The following ARMH1 variants were observed in gnomAD, a reference collection of about 807,000 sequenced individuals.
ARMH1 encodes armadillo like helical domain containing 1, also known as armadillo-like helical domain containing protein 1.
A neutral mutation model predicts 50.2 loss-of-function variants in ARMH1; 34 were observed. The ratio of observed to expected loss-of-function variants is 0.68; its 90% CI spans 0.51 to 0.90. ARMH1 has a LOEUF of 0.90. ARMH1 is among the 40% of genes least tolerant of loss of function. The probability of loss-of-function intolerance (pLI) is 0.00; values close to 1 mark genes in which losing one functional copy is unlikely to be tolerated. For synonymous variants in ARMH1, 221 were observed against 224.2 expected (o/e 0.99, Z 0.13); for missense variants, 538 against 553.9 (o/e 0.97, Z 0.29).
chr1:44,721,793 CCTAGGCAAGA>C (rs1647204083), intron 6 of ARMH1: 1 of 151,670 alleles, frequency 6.6e-6, no homozygotes, highest in African/African-American at 2.4e-5. Flanking sequence ...TTCAGCCTTG[CCTAGGCAAGA>C]CTTCAAAAAA....
intron 1 of ARMH1, among the ~76,000 whole-genome samples, chr1:44,678,413 G>A (rs4660820): frequency 0.011 from 1,636 of 152,104 alleles, 65 homozygotes; most frequent in Admixed American, 0.068. Context: ...AAAAGGTGGG[G>A]GCAGATGGAG....
intron 10 of ARMH1, 54 bp from the exon 11 acceptor site, chr1:44,725,082 C>G (rs1648087843): frequency 6.5e-7 from 1 of 1,549,856 alleles, no homozygotes; most frequent in Admixed American, 2.0e-5. Context: ...AGCCCAACTC[C>G]AAGTCCAGAC....
At position 44,684,976 on chromosome 1, in the gene ARMH1, A is replaced by G. The variant is rs983493284; in HGVS notation, c.-22-4700A>G. 3.9e-5 allele frequency among the ~76,000 whole-genome samples: 6 copies of G among 152,132 alleles called. No homozygotes were observed. In the South Asian group the frequency reaches 6.2e-4, roughly 16 times the overall value. ...CCCCTGCTCTCTCACCCTCCCTGGG[A>G]AAGTAGGAAAGTCTTCTCCAGAGAC... On this transcript the variant is annotated intron_variant, in intron 1 of 11. Coordinates refer to ENST00000535358, the MANE Select transcript of ARMH1 (RefSeq NM_001145636.2).
chr1:44,724,169 C>T lies in ARMH1; in HGVS notation c.772C>T (p.Leu258=), dbSNP rs1331030511. ...GGTCGGTTACGATGTGCGCCAGGCG[C>T]TGCTCAAGGGCCTCGTGGCGCTGCT... ...DLVGYDVRQA[L]LKGLVALLIP... The change falls in exon 7 of 12, where the codon CTG becomes TTG. Residue 258 remains leucine, a synonymous_variant. Coordinates refer to ENST00000535358, the MANE Select transcript of ARMH1 (RefSeq NM_001145636.2). The surrounding 1 kb of genome is among the most constrained non-coding windows in gnomAD (Gnocchi z 6.4). 6.4e-7 allele frequency: 1 copy of T among 1,551,702 alleles called. No individual in the cohort carries two copies. The highest frequency in any genetic ancestry group is 8.7e-7 in the Non-Finnish European group (1 of 1,146,964).
rs1645811125 is a variant in ARMH1 at position 44,695,914 on chromosome 1, C to T, written c.207-1188C>T. Among the ~76,000 whole-genome samples, 7 of 150,390 alleles carry T rather than the reference C, an allele frequency of 4.7e-5. No individual in the cohort carries two copies. In the Admixed American group the frequency reaches 4.7e-4, roughly 10 times the overall value. ...GAGCTGTGATTGCACCACTGTGCCCCAGCCTGGGCAACAGAGTGAGACCCT... is the reference window on the plus strand; with the variant it reads ...GAGCTGTGATTGCACCACTGTGCCCTAGCCTGGGCAACAGAGTGAGACCCT... On this transcript the variant is annotated intron_variant, in intron 2 of 11. Transcript: ENST00000535358.
chr1:44,689,908 C>A lies in ARMH1; in HGVS notation c.206+5C>A. 5 of 1,549,560 alleles carry A rather than the reference C, an allele frequency of 3.2e-6. No homozygotes were observed. Among genetic ancestry groups the A allele is most frequent in the Non-Finnish European group, 3.5e-6 (4 of 1,146,734 alleles). On this transcript the variant is annotated splice_donor_5th_base_variant and intron_variant, in intron 2 of 11. Transcript: ENST00000535358. Reference sequence around the variant, plus strand: ...GACCACCTCGCTTAGAATCACGTATCCTTTACTGAACAGAAAAAAAAAAAT... The same window carrying A: ...GACCACCTCGCTTAGAATCACGTATACTTTACTGAACAGAAAAAAAAAAAT...
chr1:44,724,208 A>C lies in ARMH1; in HGVS notation c.811A>C (p.Lys271Gln), dbSNP rs775195538. ...GLVALLIPSV[K>Q]EISKLQAKIL... The stretch of plus-strand genomic sequence containing the variant: ...CGTGGCGCTGCTGATACCGTCGGTC[A>C]AGGAGATCTCCAAACTGCAGGCCAA... Residue 271 changes from lysine (K) to glutamine (Q), a missense_variant, in exon 7 of 12, where the codon AAG becomes CAG. Physicochemically the swap from Lys to Gln is moderately conservative, Grantham distance 53. Coordinates refer to ENST00000535358, the MANE Select transcript of ARMH1 (RefSeq NM_001145636.2). The surrounding 1 kb of genome is among the most constrained non-coding windows in gnomAD (Gnocchi z 6.4). The C allele has an allele frequency of 6.4e-7, 1 of 1,551,688 alleles. No homozygotes were observed. Among genetic ancestry groups the C allele is most frequent in the African/African-American group, 1.4e-5 (1 of 73,180 alleles).
At position 44,681,900 on chromosome 1, in the gene ARMH1, G is replaced by A. The variant is rs547351257; in HGVS notation, c.-23+7027G>A. 3.1e-4 allele frequency among the ~76,000 whole-genome samples: 47 copies of A among 152,232 alleles called. No homozygotes were observed. The highest frequency in any genetic ancestry group is 7.5e-4 in the African/African-American group (31 of 41,534). On this transcript the variant is annotated intron_variant, in intron 1 of 11. Coordinates refer to ENST00000535358, the MANE Select transcript of ARMH1 (RefSeq NM_001145636.2). This position sits in a 1 kb window ranked among gnomAD's most constrained non-coding sequence, Gnocchi z 4.3. ...TGGTTGGAGGTGAAAGCGGGAGGTC[G>A]CTGGAGTCTGCATTCCATGTCTCTT...
chr1:44,695,215 T>C (rs953695151), intron 2 of ARMH1, among the ~76,000 whole-genome samples: 1 of 152,230 alleles, frequency 6.6e-6, no homozygotes, highest in Non-Finnish European at 1.5e-5. Flanking sequence ...GGACAAGTTA[T>C]TGACCTGAGA....
Position 44,678,794 on chromosome 1 carries a change from C to CG in ARMH1, c.-23+3928dup, listed in dbSNP as rs112856966. Among the ~76,000 whole-genome samples the CG allele has an allele frequency of 4.2e-3, 640 of 151,938 alleles. 3 individuals carry two copies. The highest frequency in any genetic ancestry group is 0.014 in the Middle Eastern group (4 of 294). On this transcript the variant is annotated intron_variant, in intron 1 of 11. Coordinates refer to ENST00000535358, the MANE Select transcript of ARMH1 (RefSeq NM_001145636.2). ...TTTCAGAAGGTGTCTTTTGATTTGC[C>CG]GGGGGGGTGGGGAAGCCCTCTGGGA...
At position 44,697,093 on chromosome 1, in the gene ARMH1, G is replaced by C; in HGVS notation, c.207-9G>C. 2 of 1,549,894 alleles carry C rather than the reference G, an allele frequency of 1.3e-6. No homozygotes were observed. Among genetic ancestry groups the C allele is most frequent in the South Asian group, 2.4e-5 (2 of 84,014 alleles). On this transcript the variant is annotated splice_polypyrimidine_tract_variant and intron_variant, in intron 2 of 11. Coordinates refer to ENST00000535358, the MANE Select transcript of ARMH1 (RefSeq NM_001145636.2). ...CACCCTGAAACTCACTCTTTAACGT[G>C]TCATACAGCTATATGACTGACTCAT...
At chr1:44,691,561 C>T (rs2148618998) in intron 2 of ARMH1, among the ~76,000 whole-genome samples, 1 of 152,272 alleles carries the variant, frequency 6.6e-6, no homozygotes, top group South Asian at 2.1e-4. Context: ...TCAGCCACCC[C>T]TTAAATGCTG....
At chr1:44,689,609 A>G in intron 1 of ARMH1, 67 bp from the exon 2 acceptor site, 1 of 1,255,366 alleles carries the variant, frequency 8.0e-7, no homozygotes, top group Non-Finnish European at 1.1e-6. Flanking sequence ...GTTGATTGCT[A>G]GAAAAATAAT....
intron 2 of ARMH1, among the ~76,000 whole-genome samples, chr1:44,691,609 A>T (rs1280012300): frequency 6.6e-6 from 1 of 151,194 alleles, no homozygotes; most frequent in African/African-American, 2.4e-5. Context: ...TTCTCTACTC[A>T]CTCTCAGATT....
At chr1:44,719,025 GAAAAAAAA>G (rs35822364) in intron 6 of ARMH1, among the ~76,000 whole-genome samples, 1 of 78,636 alleles carries the variant, frequency 1.3e-5, no homozygotes, top group Non-Finnish European at 2.4e-5. Flanking sequence ...AACTGTCTCG[GAAAAAAAA>G]AAAAAAAAAA....
chr1:44,721,460 C>CAAGA (rs1647120483), intron 6 of ARMH1, among the ~76,000 whole-genome samples: 1 of 151,972 alleles, frequency 6.6e-6, no homozygotes, highest in Non-Finnish European at 1.5e-5. Context: ...GAAAGACTCA[C>CAAGA]AAGACTTCAG....
At chr1:44,709,316 T>C (rs992635619) in intron 6 of ARMH1, among the ~76,000 whole-genome samples, 1 of 151,618 alleles carries the variant, frequency 6.6e-6, no homozygotes, top group African/African-American at 2.4e-5. Flanking sequence ...CATGTGGATG[T>C]CTAACAGACA....
At chr1:44,721,764 T>TG (rs1251515318) in intron 6 of ARMH1, 2 of 152,132 alleles carry the variant, frequency 1.3e-5, no homozygotes, top group Non-Finnish European at 2.9e-5. Context: ...CCCACACGTC[T>TG]CTCTTTAGTA....
At chr1:44,709,407 T>C (rs1035119610) in intron 6 of ARMH1, among the ~76,000 whole-genome samples, 2 of 152,170 alleles carry the variant, frequency 1.3e-5, no homozygotes, top group Non-Finnish European at 2.9e-5. Context: ...GCGCGGTGGC[T>C]CACGCCTTTA....
Sources: gnomAD v4.1 joint callset for allele counts (sites outside exome capture counted in the v4.1 genomes callset) on GRCh38, gnomAD v4.1.1 for gene constraint, Gnocchi (gnomAD v3.1) non-coding constraint, MANE v1.5 for transcripts, NCBI Gene and HGNC (gene_info 2026-07-23, HGNC 2026-07-21) for gene names.